CERS6: variants seen among roughly 807,000 people sequenced by gnomAD.
CERS6 encodes the protein ceramide synthase 6.
A neutral mutation model predicts 56.8 loss-of-function variants in CERS6; 26 were observed. The ratio of observed to expected loss-of-function variants is 0.46; its 90% CI spans 0.34 to 0.63. The LOEUF is 0.63. Among genes scored for constraint, CERS6 ranks in the 30% least tolerant of loss-of-function variants. The probability of loss-of-function intolerance (pLI) is 0.01; values close to 1 mark genes in which losing one functional copy is unlikely to be tolerated. For synonymous variants in CERS6, 164 were observed against 173.3 expected (o/e 0.95, Z 0.42); for missense variants, 415 against 467.5 (o/e 0.89, Z 1.04).
intron 1 of CERS6, among the ~76,000 whole-genome samples, chr2:168,538,166 T>C (rs1695299644): frequency 6.6e-6 from 1 of 151,848 alleles, no homozygotes; most frequent in African/African-American, 2.4e-5. Context: ...AGTGATTCTC[T>C]TAGGACAGAA....
chr2:168,477,214 A>AGAGAGAGAGAGAGAGT (rs1694093165), intron 1 of CERS6, among the ~76,000 whole-genome samples: 6 of 136,802 alleles, frequency 4.4e-5, no homozygotes, highest in African/African-American at 1.8e-4. Context: ...AGAGAGAGAG[A>AGAGAGAGAGAGAGAGT]GAGAGTCTCA....
chr2:168,683,079 T>C (rs1182210793), intron 4 of CERS6, among the ~76,000 whole-genome samples: 1 of 152,218 alleles, frequency 6.6e-6, no homozygotes, highest in Non-Finnish European at 1.5e-5. Context: ...ATTTTTATTG[T>C]AAATAGAATT....
chr2:168,621,780 T>C (rs760996386), intron 3 of CERS6, among the ~76,000 whole-genome samples: 5 of 152,162 alleles, frequency 3.3e-5, no homozygotes, highest in Non-Finnish European at 7.4e-5. Flanking sequence ...AAATAGAACA[T>C]AGTGGATTTA....
intron 4 of CERS6, among the ~76,000 whole-genome samples, chr2:168,674,205 A>C (rs1349679656): frequency 6.6e-6 from 1 of 152,204 alleles, no homozygotes; most frequent in Admixed American, 6.5e-5. Context: ...TTCCTATATA[A>C]TTGCTTCAAA....
chr2:168,596,343 G>A (rs140439833), intron 3 of CERS6, among the ~76,000 whole-genome samples: 2 of 151,924 alleles, frequency 1.3e-5, no homozygotes, highest in Non-Finnish European at 2.9e-5. Flanking sequence ...CGGGGGATTG[G>A]GGGGAGGGGT....
chr2:168,546,741 A>T (rs1239758739), intron 1 of CERS6, among the ~76,000 whole-genome samples: 1 of 152,234 alleles, frequency 6.6e-6, no homozygotes, highest in East Asian at 1.9e-4. Flanking sequence ...AAATGTTACT[A>T]CTGAAAATGA....
At chr2:168,719,665 A>G (rs892153575) in intron 8 of CERS6, among the ~76,000 whole-genome samples, 9 of 152,166 alleles carry the variant, frequency 5.9e-5, no homozygotes, top group Non-Finnish European at 8.8e-5. Context: ...GGGTTTAGTA[A>G]CACTTGGCTT....
intron 8 of CERS6, among the ~76,000 whole-genome samples, chr2:168,719,672 G>T (rs538699195): frequency 6.6e-6 from 1 of 152,170 alleles, no homozygotes; most frequent in Admixed American, 6.5e-5. Context: ...GTAACACTTG[G>T]CTTATTCTCT....
intron 2 of CERS6, among the ~76,000 whole-genome samples, chr2:168,555,384 A>T (rs952167663): frequency 6.6e-6 from 1 of 152,066 alleles, no homozygotes; most frequent in Non-Finnish European, 1.5e-5. Context: ...GAAAACTCAT[A>T]CAGATATGAA....
At chr2:168,582,070 T>C (rs1053981986) in intron 3 of CERS6, among the ~76,000 whole-genome samples, 7 of 152,190 alleles carry the variant, frequency 4.6e-5, no homozygotes, top group Admixed American at 2.0e-4. Context: ...CATGGTGTTA[T>C]TTTCCTTTCC....
At chr2:168,607,907 A>C (rs1039780282) in intron 3 of CERS6, among the ~76,000 whole-genome samples, 1 of 152,230 alleles carries the variant, frequency 6.6e-6, no homozygotes, top group Middle Eastern at 3.2e-3. Context: ...TGCTTCTATC[A>C]TGAAATATCT....
At chr2:168,542,943 T>G (rs1695399428) in intron 1 of CERS6, among the ~76,000 whole-genome samples, 1 of 152,202 alleles carries the variant, frequency 6.6e-6, no homozygotes, top group Non-Finnish European at 1.5e-5. Context: ...GTGATCTGCC[T>G]GCCTTAGCCT....
At chr2:168,747,687 G>GT (rs1300962075) in intron 8 of CERS6, among the ~76,000 whole-genome samples, 3 of 151,918 alleles carry the variant, frequency 2.0e-5, no homozygotes, top group Non-Finnish European at 2.9e-5. Flanking sequence ...TGATCATATA[G>GT]TTTAAATATT....
Position 168,456,751 on chromosome 2 carries a change from A to T in CERS6, c.170+133A>T. On this transcript the variant is annotated intron_variant, in intron 1 of 9. Transcript: ENST00000305747. This position sits in a 1 kb window ranked among gnomAD's most constrained non-coding sequence, Gnocchi z 4.1. Reference sequence around the variant, plus strand: ...CGCCTCCCAACCTTTGTGTTCGGGGAGGGGTTGCTGACCCCCCTGCCCCGC... The same window carrying T: ...CGCCTCCCAACCTTTGTGTTCGGGGTGGGGTTGCTGACCCCCCTGCCCCGC... The T allele has an allele frequency of 2.4e-6, 2 of 825,126 alleles. No individual in the cohort carries two copies. The highest frequency in any genetic ancestry group is 3.8e-6 in the Non-Finnish European group (2 of 532,518). 51.1% of individuals were successfully genotyped at this position (825,126 alleles called of 1,614,324 possible).
intron 1 of CERS6, among the ~76,000 whole-genome samples, chr2:168,522,671 T>A (rs575857747): frequency 6.6e-6 from 1 of 152,262 alleles, no homozygotes; most frequent in South Asian, 2.1e-4. Flanking sequence ...ACTGAGTAGC[T>A]GGGACTACTG....
At chr2:168,581,501 A>G (rs373536651) in intron 3 of CERS6, among the ~76,000 whole-genome samples, 99 of 152,264 alleles carry the variant, frequency 6.5e-4, no homozygotes, top group African/African-American at 2.3e-3. Flanking sequence ...TTCTCTGGCC[A>G]TATGTTAGAT....
chr2:168,692,474 G>A (rs116076574), intron 5 of CERS6, among the ~76,000 whole-genome samples: 1,819 of 152,278 alleles, frequency 0.012, 23 homozygotes, highest in Non-Finnish European at 0.02. Context: ...GAGAAAATGA[G>A]TTGCTAGAGC....
Position 168,700,292 on chromosome 2 carries a change from G to T in CERS6, c.609+5241G>T, listed in dbSNP as rs578165300. 7.5e-4 allele frequency among the ~76,000 whole-genome samples: 114 copies of T among 152,288 alleles called. 2 individuals are homozygous for T. In the South Asian group the frequency reaches 0.023, roughly 31 times the overall value. ...CATGCTCCAGATCTTGCCTGCTTCA[G>T]TTAGTTTTAGGGGAAAGGAAAATGC... On this transcript the variant is annotated intron_variant, in intron 6 of 9. Transcript: ENST00000305747.
At chr2:168,707,590 G>C (rs1184594322) in intron 6 of CERS6, among the ~76,000 whole-genome samples, 1 of 152,148 alleles carries the variant, frequency 6.6e-6, no homozygotes, top group African/African-American at 2.4e-5. Context: ...CGTTTAACCA[G>C]CTCTCTTATA....
Sources: allele counts gnomAD v4.1 joint callset (sites outside exome capture counted in the v4.1 genomes callset), GRCh38; gene constraint gnomAD v4.1.1; non-coding constraint Gnocchi (gnomAD v3.1); transcripts MANE v1.5; gene names NCBI Gene and HGNC (gene_info 2026-07-23, HGNC 2026-07-21).